Variants in SLC9A9 observed in about 807,000 individuals in gnomAD.
The protein encoded by SLC9A9 is solute carrier family 9 member A9.
In SLC9A9, 62 loss-of-function variants were observed where a neutral mutation model predicts 77.8. The observed-to-expected ratio is 0.80, with a 90% CI of 0.65 to 0.98. The LOEUF (loss-of-function observed/expected upper bound fraction) is 0.98, where lower values mean the gene tolerates loss of function less well. Ranked by LOEUF, SLC9A9 falls within the 50% of genes least tolerant of loss-of-function variation. The pLI is 0.00. For synonymous variants in SLC9A9, 320 were observed against 283.5 expected, an observed-to-expected ratio of 1.13 and a Z score of -1.29; for missense variants, 775 against 774.9, an observed-to-expected ratio of 1.00 and a Z score of 0.00.
intron 4 of SLC9A9, among the ~76,000 whole-genome samples, chr3:143,721,759 G>A (rs941102650): frequency 6.6e-6 from 1 of 152,168 alleles, no homozygotes; most frequent in Non-Finnish European, 1.5e-5. Flanking sequence ...CTCAGCAGTG[G>A]TGGAGAGGGA....
intron 6 of SLC9A9, among the ~76,000 whole-genome samples, chr3:143,622,581 C>G (rs548823072): frequency 6.6e-6 from 1 of 152,080 alleles, no homozygotes; most frequent in South Asian, 2.1e-4. Flanking sequence ...ATTTTGTCAC[C>G]ACCAGGCCTG....
At chr3:143,441,565 A>C (rs1299661949) in intron 12 of SLC9A9, among the ~76,000 whole-genome samples, 1 of 152,102 alleles carries the variant, frequency 6.6e-6, no homozygotes, top group Non-Finnish European at 1.5e-5. Context: ...AGCATTTAGG[A>C]CAACCTAAGA....
At chr3:143,697,905 A>G (rs965775777) in intron 4 of SLC9A9, among the ~76,000 whole-genome samples, 1 of 152,198 alleles carries the variant, frequency 6.6e-6, no homozygotes, top group Non-Finnish European at 1.5e-5. Flanking sequence ...GCCATTATCA[A>G]TGCTAATTAT....
intron 12 of SLC9A9, among the ~76,000 whole-genome samples, chr3:143,455,412 T>C (rs2108559670): frequency 6.6e-6 from 1 of 152,360 alleles, no homozygotes; most frequent in African/African-American, 2.4e-5. Context: ...TCTGCATTTC[T>C]TTCTAAATTT....
intron 12 of SLC9A9, among the ~76,000 whole-genome samples, chr3:143,397,508 G>C (rs111573163): frequency 6.6e-6 from 1 of 152,322 alleles, no homozygotes; most frequent in East Asian, 1.9e-4. Context: ...AGGGGTCTGA[G>C]CGAGAAGTGG....
intron 2 of SLC9A9, among the ~76,000 whole-genome samples, chr3:143,817,291 G>A (rs547046988): frequency 6.6e-6 from 1 of 151,084 alleles, no homozygotes; most frequent in South Asian, 2.1e-4. Flanking sequence ...TGGGACTACA[G>A]GCGCCCGCCA....
At chr3:143,447,503 T>C (rs1157946974) in intron 12 of SLC9A9, among the ~76,000 whole-genome samples, 7 of 152,236 alleles carry the variant, frequency 4.6e-5, no homozygotes, top group Non-Finnish European at 4.4e-5. Context: ...AAGTTGTTTT[T>C]TGCAAATGAC....
rs75637776 is a variant in SLC9A9 at position 143,351,042 on chromosome 3, T to A, written c.1604+12442A>T. Among the ~76,000 whole-genome samples, 1,152 of 152,332 alleles carry A rather than the reference T, an allele frequency of 7.6e-3. 39 individuals carry two copies. In the East Asian group the frequency reaches 0.098, roughly 13 times the overall value. ...ACTTAAAGCAATTAGGGGAAAGGCCTGAGGGTTCCTACACAAGAATTTTAT... is the reference window on the plus strand; with the variant it reads ...ACTTAAAGCAATTAGGGGAAAGGCCAGAGGGTTCCTACACAAGAATTTTAT... On this transcript the variant is annotated intron_variant, in intron 14 of 15. Transcript: ENST00000316549.
intron 4 of SLC9A9, among the ~76,000 whole-genome samples, chr3:143,749,927 C>T (rs986218204): frequency 6.6e-6 from 1 of 152,252 alleles, no homozygotes; most frequent in African/African-American, 2.4e-5. Flanking sequence ...TATGATTAAA[C>T]TCTACCAGTG....
chr3:143,666,656 T>A (rs1054087686), intron 5 of SLC9A9, among the ~76,000 whole-genome samples: 3 of 152,214 alleles, frequency 2.0e-5, no homozygotes, highest in Non-Finnish European at 4.4e-5. Flanking sequence ...ACAAAATCAA[T>A]GTGCAAAAAT....
At chr3:143,646,071 A>G (rs2038702420) in intron 6 of SLC9A9, among the ~76,000 whole-genome samples, 2 of 152,072 alleles carry the variant, frequency 1.3e-5, no homozygotes, top group Non-Finnish European at 2.9e-5. Context: ...CCTCTGTGCA[A>G]TCTGCACTTA....
chr3:143,606,436 C>CTCTCTCTCTCTCTCTCTATATA (rs1419410834), intron 6 of SLC9A9, among the ~76,000 whole-genome samples: 2 of 54,186 alleles, frequency 3.7e-5, no homozygotes, highest in African/African-American at 1.5e-4. Context: ...CTCTCTCTCT[C>CTCTCTCTCTCTCTCTCTATATA]TATATATATA....
At chr3:143,599,296 C>G (rs995706185) in intron 6 of SLC9A9, among the ~76,000 whole-genome samples, 1 of 152,148 alleles carries the variant, frequency 6.6e-6, no homozygotes, top group Non-Finnish European at 1.5e-5. Flanking sequence ...TTTGTTGTTA[C>G]TAAGAGCATT....
intron 14 of SLC9A9, among the ~76,000 whole-genome samples, chr3:143,286,020 G>A (rs1384803437): frequency 2.0e-5 from 3 of 152,106 alleles, no homozygotes; most frequent in African/African-American, 7.2e-5. Flanking sequence ...GCCTAGGAAA[G>A]GCTGGAATAT....
chr3:143,844,742 TTTCTTTCTTTC>T, intron 1 of SLC9A9, among the ~76,000 whole-genome samples: 1 of 145,532 alleles, frequency 6.9e-6, no homozygotes, highest in Admixed American at 6.9e-5. Context: ...TCTTTCTTTC[TTTCTTTCTTTC>T]TTTCTTTCTT....
At chr3:143,732,766 G>T (rs1157866997) in intron 4 of SLC9A9, among the ~76,000 whole-genome samples, 1 of 152,200 alleles carries the variant, frequency 6.6e-6, no homozygotes, top group Non-Finnish European at 1.5e-5. Context: ...TTATAAAGGA[G>T]ATTTTCTTTC....
intron 4 of SLC9A9, among the ~76,000 whole-genome samples, chr3:143,734,797 G>A (rs752934244): frequency 2.7e-5 from 4 of 150,186 alleles, no homozygotes; most frequent in Non-Finnish European, 5.9e-5. Context: ...TGTGTTCAAT[G>A]TCACAGAGGT....
chr3:143,269,801 A>C (rs750652173), intron 14 of SLC9A9, among the ~76,000 whole-genome samples: 6 of 152,238 alleles, frequency 3.9e-5, no homozygotes, highest in Non-Finnish European at 7.3e-5. Context: ...CCAAAAAGCT[A>C]TAGTAAATAG....
intron 12 of SLC9A9, among the ~76,000 whole-genome samples, chr3:143,460,107 T>C (rs145285018): frequency 6.6e-6 from 1 of 152,292 alleles, no homozygotes; most frequent in Non-Finnish European, 1.5e-5. Flanking sequence ...CTTGTAGCTT[T>C]CTCTCTCTTT....
Sources: allele counts gnomAD v4.1 joint callset (sites outside exome capture counted in the v4.1 genomes callset), GRCh38; gene constraint gnomAD v4.1.1; transcripts MANE v1.5; gene names NCBI Gene and HGNC (gene_info 2026-07-23, HGNC 2026-07-21).